The following RYR3 variants were observed in gnomAD, a reference collection of about 807,000 sequenced individuals.
RYR3 encodes the protein brain ryanodine receptor-calcium release channel.
RYR3 carries 207 observed loss-of-function variants against 584.3 expected under a neutral mutation model. The ratio of observed to expected loss-of-function variants is 0.35; its 90% confidence interval spans 0.32 to 0.40. RYR3 has a LOEUF of 0.40. Among genes scored for constraint, RYR3 ranks in the 10% least tolerant of loss-of-function variants. The probability of loss-of-function intolerance (pLI) is 1.00; values close to 1 mark genes in which losing one functional copy is unlikely to be tolerated. For missense variants in RYR3, 5,616 were observed against 6,089.2 expected, an observed-to-expected ratio of 0.92 and a Z score of 2.59; for synonymous variants, 2,416 against 2,248.5, an observed-to-expected ratio of 1.07 and a Z score of -2.11.
chr15:33,761,252 T>A (rs912063327), intron 60 of RYR3, among the ~76,000 whole-genome samples: 1 of 151,038 alleles, frequency 6.6e-6, no homozygotes, highest in Non-Finnish European at 1.5e-5. Flanking sequence ...ATAACTAAGA[T>A]CAGAGCAGAA....
intron 1 of RYR3, among the ~76,000 whole-genome samples, chr15:33,341,467 C>A (rs118011511): frequency 6.6e-6 from 1 of 152,200 alleles, no homozygotes; most frequent in Non-Finnish European, 1.5e-5. Context: ...CCTTATCATT[C>A]TAATATTAAA....
intron 1 of RYR3, among the ~76,000 whole-genome samples, chr15:33,425,728 G>A (rs1024348560): frequency 3.8e-4 from 55 of 143,390 alleles, no homozygotes; most frequent in Middle Eastern, 3.7e-3. Context: ...TGCAAGCTCC[G>A]CCTCCCGGGT....
chr15:33,342,970 G>A (rs778081015), intron 1 of RYR3, among the ~76,000 whole-genome samples: 20 of 152,130 alleles, frequency 1.3e-4, no homozygotes, highest in Non-Finnish European at 2.5e-4. Context: ...GAAAAAACTC[G>A]ATTGTTTTAA....
At chr15:33,691,583 C>G (rs1311542874) in intron 38 of RYR3, among the ~76,000 whole-genome samples, 1 of 151,950 alleles carries the variant, frequency 6.6e-6, no homozygotes, top group Non-Finnish European at 1.5e-5. Context: ...TTAAAAATGG[C>G]ATTCATGAAA....
Position 33,681,366 on chromosome 15 carries a change from A to G in RYR3, c.5860+10810A>G, listed in dbSNP as rs147373657. ...TTACGGTTCTGGAGGTCACAAGTCA[A>G]CAGTAGGCTAGTAGGGCTGCATTCC... On this transcript the variant is annotated intron_variant, in intron 38 of 103. Coordinates refer to ENST00000634891, the MANE Select transcript of RYR3 (RefSeq NM_001036.6). Among the ~76,000 whole-genome samples the G allele has an allele frequency of 3.9e-4, 60 of 152,356 alleles. No individual in the cohort carries two copies. In the East Asian group the frequency reaches 4.0e-3, roughly 10 times the overall value.
At chr15:33,578,615 G>A (rs1595685011) in intron 12 of RYR3, among the ~76,000 whole-genome samples, 1 of 152,158 alleles carries the variant, frequency 6.6e-6, no homozygotes, top group East Asian at 1.9e-4. Context: ...CGAGGGGTGG[G>A]GGGTAGGAGG....
At chr15:33,777,279 G>A (rs1191910517) in intron 64 of RYR3, among the ~76,000 whole-genome samples, 2 of 152,118 alleles carry the variant, frequency 1.3e-5, no homozygotes, top group Non-Finnish European at 2.9e-5. Context: ...TTCTCTGTGG[G>A]AAGCTTGGCC....
Position 33,633,002 on chromosome 15 carries a change from A to T in RYR3, c.2921A>T (p.Lys974Met). The change falls in exon 24 of 104, where the codon AAG becomes ATG. Residue 974 changes from lysine to methionine, a missense_variant. By Grantham distance (95) the Lys-to-Met change is moderately conservative. Around this residue, in one of 9 missense-constraint regions of RYR3, gnomAD observed 1,284 missense variants for 1,344.6 expected, o/e 0.95. Transcript: ENST00000634891. ...KPAPLDLSDV[K>M]LLPPQEILVD... ...GCCCCTTTGGATTTGTCTGATGTGA[A>T]GCTGTTACCTCCTCAAGAAATTTTA... 4 of 1,614,012 alleles carry T rather than the reference A, an allele frequency of 2.5e-6. No homozygotes were observed. Among genetic ancestry groups the T allele is most frequent in the Non-Finnish European group, 3.4e-6 (4 of 1,179,868 alleles).
chr15:33,499,120 G>A (rs2051714878), intron 2 of RYR3, among the ~76,000 whole-genome samples: 1 of 151,946 alleles, frequency 6.6e-6, no homozygotes, highest in African/African-American at 2.4e-5. Context: ...CCAAGACCCA[G>A]TCTAATACCT....
intron 31 of RYR3, among the ~76,000 whole-genome samples, chr15:33,651,590 A>T (rs560576435): frequency 6.6e-6 from 1 of 152,286 alleles, no homozygotes; most frequent in East Asian, 1.9e-4. Context: ...AAATGAGAAC[A>T]TCATCCTGAG....
intron 13 of RYR3, among the ~76,000 whole-genome samples, chr15:33,580,582 G>T (rs1228199728): frequency 6.6e-6 from 1 of 152,216 alleles, no homozygotes; most frequent in African/African-American, 2.4e-5. Flanking sequence ...TTGAGCATCT[G>T]AGTCACTGGG....
chr15:33,453,529 A>G (rs2047306234), intron 1 of RYR3, among the ~76,000 whole-genome samples: 1 of 152,234 alleles, frequency 6.6e-6, no homozygotes, highest in East Asian at 1.9e-4. Flanking sequence ...GACCTACAAC[A>G]GTTCTGTAGG....
chr15:33,400,776 C>T (rs1285338439), intron 1 of RYR3, among the ~76,000 whole-genome samples: 1 of 152,186 alleles, frequency 6.6e-6, no homozygotes, highest in East Asian at 1.9e-4. Context: ...CATGCTTTCC[C>T]TTTCTTCCAC....
At chr15:33,458,779 G>C (rs2047777632) in intron 1 of RYR3, among the ~76,000 whole-genome samples, 1 of 152,168 alleles carries the variant, frequency 6.6e-6, no homozygotes, top group Non-Finnish European at 1.5e-5. Context: ...CTCTATTTTA[G>C]AGTAATGTAC....
At chr15:33,853,708 C>G (rs779848729) in intron 96 of RYR3, 26 bp downstream of exon 96, 38 of 1,606,150 alleles carry the variant, frequency 2.4e-5, no homozygotes, top group Admixed American at 6.9e-5. Context: ...GAGTTCAAAT[C>G]CAAAGCAGCT....
At chr15:33,383,218 A>T (rs1014571565) in intron 1 of RYR3, among the ~76,000 whole-genome samples, 1 of 150,154 alleles carries the variant, frequency 6.7e-6, no homozygotes, top group African/African-American at 2.5e-5. Flanking sequence ...AGCATGTCAG[A>T]GCTCCAGGAT....
At chr15:33,462,731 A>G (rs989396425) in intron 1 of RYR3, among the ~76,000 whole-genome samples, 1 of 152,196 alleles carries the variant, frequency 6.6e-6, no homozygotes, top group African/African-American at 2.4e-5. Flanking sequence ...TCTCCCTGCT[A>G]GTGCCATGGT....
intron 86 of RYR3, among the ~76,000 whole-genome samples, chr15:33,833,934 A>C (rs1343257968): frequency 8.5e-5 from 13 of 152,194 alleles, no homozygotes; most frequent in Non-Finnish European, 5.9e-5. Flanking sequence ...GTAGAAAAAA[A>C]TAGACTGTAA....
intron 12 of RYR3, among the ~76,000 whole-genome samples, chr15:33,575,724 C>T (rs1285534483): frequency 6.6e-6 from 1 of 151,580 alleles, no homozygotes; most frequent in Admixed American, 6.6e-5. Flanking sequence ...CAAGAGCAAA[C>T]AAACCCAAAA....
Sources: gnomAD v4.1 joint callset for allele counts (sites outside exome capture counted in the v4.1 genomes callset) on GRCh38, gnomAD v4.1.1 for gene constraint, gnomAD v4.1.1 regional missense constraint, MANE v1.5 for transcripts, NCBI Gene and HGNC (gene_info 2026-07-23, HGNC 2026-07-21) for gene names.